DLG2: variants seen among roughly 807,000 people sequenced by gnomAD.
DLG2 encodes the protein disks large homolog 2.
Under a neutral mutation model 132.5 loss-of-function variants are expected in DLG2, and 45 were observed. The observed-to-expected ratio is 0.34, with a 90% CI of 0.27 to 0.44. The LOEUF (loss-of-function observed/expected upper bound fraction) is 0.44. DLG2 is among the 20% of genes least tolerant of loss of function. The pLI is 1.00. For synonymous variants in DLG2, 424 were observed against 419.6 expected (o/e 1.01, Z -0.13); for missense variants, 1,045 against 1,196.9 (o/e 0.87, Z 1.87).
intron 9 of DLG2, among the ~76,000 whole-genome samples, chr11:84,145,989 C>T (rs995440502): frequency 6.6e-6 from 1 of 152,184 alleles, no homozygotes; most frequent in African/African-American, 2.4e-5. Context: ...TGACATCTGA[C>T]TCAGATAGTT....
chr11:84,597,872 G>A (rs990527481), intron 6 of DLG2, among the ~76,000 whole-genome samples: 14 of 152,160 alleles, frequency 9.2e-5, no homozygotes, highest in African/African-American at 3.1e-4. Context: ...TCCATTTAAT[G>A]TAATCAGGCC....
chr11:84,896,282 T>G (rs2090175441), intron 6 of DLG2, among the ~76,000 whole-genome samples: 1 of 152,082 alleles, frequency 6.6e-6, no homozygotes, highest in Non-Finnish European at 1.5e-5. Flanking sequence ...ACTAATATTG[T>G]GCCAAAGATG....
rs530251820 is a variant in DLG2 at position 85,321,250 on chromosome 11, T to C, written c.41-35885A>G. ...AGCCTGGGCAAGTGGAAAAATTGAG[T>C]CACTATTTATTAAGATGGAAAAGAC... On this transcript the variant is annotated intron_variant, in intron 3 of 27. Transcript: ENST00000376104. Among the ~76,000 whole-genome samples, 28 of 151,928 alleles carry C rather than the reference T, an allele frequency of 1.8e-4. No individual in the cohort carries two copies. In the East Asian group the frequency reaches 4.5e-3, roughly 24 times the overall value.
chr11:85,437,041 AAC>A (rs2153023655), intron 3 of DLG2, among the ~76,000 whole-genome samples: 1 of 152,326 alleles, frequency 6.6e-6, no homozygotes, highest in African/African-American at 2.4e-5. Flanking sequence ...TCAGCAAACT[AAC>A]ACAGGAACAG....
intron 14 of DLG2, among the ~76,000 whole-genome samples, chr11:83,955,009 T>C (rs1292129117): frequency 6.6e-6 from 1 of 152,222 alleles, no homozygotes; most frequent in Non-Finnish European, 1.5e-5. Context: ...TTGGCTACAG[T>C]TCCATAAATA....
chr11:84,641,940 TACAC>T (rs1250749515), intron 6 of DLG2, among the ~76,000 whole-genome samples: 1 of 150,798 alleles, frequency 6.6e-6, no homozygotes, highest in Non-Finnish European at 1.5e-5. Flanking sequence ...CACACACACA[TACAC>T]ACATCCATAC....
At chr11:84,755,606 G>C (rs570772518) in intron 6 of DLG2, among the ~76,000 whole-genome samples, 1 of 152,286 alleles carries the variant, frequency 6.6e-6, no homozygotes, top group East Asian at 1.9e-4. Context: ...TGTATTTTTA[G>C]TGGAGACGGG....
intron 6 of DLG2, among the ~76,000 whole-genome samples, chr11:84,567,766 C>G (rs61898965): frequency 6.6e-6 from 1 of 152,050 alleles, no homozygotes; most frequent in African/African-American, 2.4e-5. Context: ...GGCTCTATTC[C>G]TCCTTACGGA....
chr11:84,528,885 ATGCT>A (rs1480883765), intron 7 of DLG2, among the ~76,000 whole-genome samples: 1 of 152,204 alleles, frequency 6.6e-6, no homozygotes, highest in Non-Finnish European at 1.5e-5. Flanking sequence ...TGCTATAAAA[ATGCT>A]AGTGCTTGAA....
At chr11:83,533,311 C>T (rs1287674220) in intron 20 of DLG2, among the ~76,000 whole-genome samples, 1 of 152,184 alleles carries the variant, frequency 6.6e-6, no homozygotes, top group Non-Finnish European at 1.5e-5. Flanking sequence ...TCATTGTTTT[C>T]CTGCTACCTC....
At chr11:84,480,747 G>A (rs2099134825) in intron 7 of DLG2, among the ~76,000 whole-genome samples, 4 of 149,412 alleles carry the variant, frequency 2.7e-5, no homozygotes, top group Admixed American at 6.7e-5. Context: ...TTTGTTTCTT[G>A]GGGGTTTTCT....
rs74980109 is a variant in DLG2, at chr11:83,979,187, C to T, written c.1056+1319G>A. ...TGGCAACTATGAAATTAGACCACTGCGATTAAACACAGCTCTCTAAAGCTG... is the reference window on the plus strand; with the variant it reads ...TGGCAACTATGAAATTAGACCACTGTGATTAAACACAGCTCTCTAAAGCTG... On this transcript the variant is annotated intron_variant, in intron 12 of 27. Coordinates refer to ENST00000376104, the MANE Select transcript of DLG2 (RefSeq NM_001142699.3). 5.0e-3 allele frequency among the ~76,000 whole-genome samples: 761 copies of T among 152,100 alleles called. 3 individuals are homozygous for T. Among genetic ancestry groups the T allele is most frequent in the African/African-American group, 0.018 (737 of 41,516 alleles).
chr11:84,199,548 T>C (rs2096565202), intron 8 of DLG2, among the ~76,000 whole-genome samples: 1 of 151,866 alleles, frequency 6.6e-6, no homozygotes, highest in Non-Finnish European at 1.5e-5. Context: ...AAAATTTACA[T>C]AATAATAAAG....
chr11:84,313,757 C>CA (rs1349903300), intron 7 of DLG2, among the ~76,000 whole-genome samples: 1 of 152,034 alleles, frequency 6.6e-6, no homozygotes, highest in Non-Finnish European at 1.5e-5. Context: ...TCTGAGTCTC[C>CA]ACTGTTCTGT....
intron 6 of DLG2, among the ~76,000 whole-genome samples, chr11:84,860,134 A>G (rs1051902594): frequency 6.6e-6 from 1 of 152,132 alleles, no homozygotes; most frequent in Non-Finnish European, 1.5e-5. Context: ...TGAATGAACA[A>G]ATAAATAAAT....
At chr11:84,804,118 T>A (rs1017318833) in intron 6 of DLG2, among the ~76,000 whole-genome samples, 2 of 152,202 alleles carry the variant, frequency 1.3e-5, no homozygotes, top group Admixed American at 1.3e-4. Context: ...CAGTAAATAT[T>A]TTGGTGATGA....
chr11:85,208,105 C>G (rs890017566), intron 4 of DLG2, among the ~76,000 whole-genome samples: 2 of 151,914 alleles, frequency 1.3e-5, no homozygotes, highest in Non-Finnish European at 2.9e-5. Context: ...CAGTTTTATT[C>G]TTGTTAGAAC....
intron 17 of DLG2, among the ~76,000 whole-genome samples, chr11:83,820,990 T>C (rs1406738336): frequency 6.6e-6 from 1 of 152,200 alleles, no homozygotes; most frequent in Admixed American, 6.6e-5. Flanking sequence ...CTCCAAAAGC[T>C]TTCCTTTCCC....
At chr11:85,060,467 G>A (rs75203709) in intron 6 of DLG2, among the ~76,000 whole-genome samples, 105 of 149,232 alleles carry the variant, frequency 7.0e-4, no homozygotes, top group African/African-American at 2.4e-3. Context: ...GTGTGTGTGT[G>A]TATATATATG....
Sources: allele counts gnomAD v4.1 joint callset (sites outside exome capture counted in the v4.1 genomes callset), GRCh38; gene constraint gnomAD v4.1.1; transcripts MANE v1.5; gene names NCBI Gene and HGNC (gene_info 2026-07-23, HGNC 2026-07-21).